ENOX1: variants seen among roughly 807,000 people sequenced by gnomAD.
ENOX1 encodes ecto-NOX disulfide-thiol exchanger 1.
A neutral mutation model predicts 82.5 loss-of-function variants in ENOX1; 42 were observed. The ratio of observed to expected loss-of-function variants is 0.51; its 90% CI spans 0.40 to 0.66. The LOEUF (loss-of-function observed/expected upper bound fraction) is 0.66. Ranked by LOEUF, ENOX1 falls within the 30% of genes least tolerant of loss-of-function variation. The probability of loss-of-function intolerance (pLI) is 0.00; values close to 1 mark genes in which losing one functional copy is unlikely to be tolerated. For missense variants in ENOX1, 608 were observed against 811.6 expected, an observed-to-expected ratio of 0.75 and a Z score of 3.05; for synonymous variants, 271 against 282.2, an observed-to-expected ratio of 0.96 and a Z score of 0.40.
At chr13:43,345,736 T>A (rs1215197888) in intron 8 of ENOX1, among the ~76,000 whole-genome samples, 1 of 152,230 alleles carries the variant, frequency 6.6e-6, no homozygotes, top group Non-Finnish European at 1.5e-5. Flanking sequence ...GAGAAGCTTT[T>A]CATTGTGTTC....
At chr13:43,302,807 A>G (rs2046653509) in intron 11 of ENOX1, among the ~76,000 whole-genome samples, 1 of 152,200 alleles carries the variant, frequency 6.6e-6, no homozygotes, top group Non-Finnish European at 1.5e-5. Flanking sequence ...TAATCTGGAG[A>G]AAGCCTTGAA....
chr13:43,782,435 C>G, intron 1 of ENOX1, among the ~76,000 whole-genome samples: 1 of 152,038 alleles, frequency 6.6e-6, no homozygotes, highest in Middle Eastern at 3.2e-3. Flanking sequence ...TTGAAATATG[C>G]CAAATTATTA....
intron 2 of ENOX1, among the ~76,000 whole-genome samples, chr13:43,574,493 T>C (rs2080328785): frequency 6.6e-6 from 1 of 152,220 alleles, no homozygotes; most frequent in Non-Finnish European, 1.5e-5. Flanking sequence ...CTAAAATTAA[T>C]GTTTTGGGTT....
chr13:43,513,697 GTGAC>G (rs2077456736), intron 2 of ENOX1, among the ~76,000 whole-genome samples: 1 of 152,006 alleles, frequency 6.6e-6, no homozygotes, highest in African/African-American at 2.4e-5. Flanking sequence ...ATCTGCATTT[GTGAC>G]TGACATTTCC....
chr13:43,345,612 G>A (rs1309663036), intron 8 of ENOX1, among the ~76,000 whole-genome samples: 1 of 152,180 alleles, frequency 6.6e-6, no homozygotes, highest in Non-Finnish European at 1.5e-5. Context: ...GAAAAAGAAA[G>A]TTTGTGGGTG....
At chr13:43,391,003 T>C (rs1344062537) in intron 5 of ENOX1, among the ~76,000 whole-genome samples, 1 of 152,166 alleles carries the variant, frequency 6.6e-6, no homozygotes, top group African/African-American at 2.4e-5. Context: ...GACCTCCCTA[T>C]GTACCATCTC....
At chr13:43,484,587 C>A (rs191940252) in intron 2 of ENOX1, among the ~76,000 whole-genome samples, 1 of 152,272 alleles carries the variant, frequency 6.6e-6, no homozygotes, top group Non-Finnish European at 1.5e-5. Context: ...GATTGCTGAC[C>A]TCAGGCTTAG....
chr13:43,720,125 T>A (rs1241396151), intron 1 of ENOX1, among the ~76,000 whole-genome samples: 2 of 152,216 alleles, frequency 1.3e-5, no homozygotes, highest in East Asian at 3.8e-4. Flanking sequence ...AAAAATCACA[T>A]ATGTAAGTCT....
intron 5 of ENOX1, among the ~76,000 whole-genome samples, chr13:43,379,535 TATACTGTATGAA>T (rs2051883334): frequency 6.6e-6 from 1 of 151,994 alleles, no homozygotes; most frequent in South Asian, 2.1e-4. Flanking sequence ...AGATAAAAAA[TATACTGTATGAA>T]ATTAACAGCA....
intron 10 of ENOX1, among the ~76,000 whole-genome samples, chr13:43,325,793 G>A (rs941692829): frequency 6.6e-6 from 1 of 152,128 alleles, no homozygotes; most frequent in African/African-American, 2.4e-5. Flanking sequence ...GACGACCAGT[G>A]ACTAATGACA....
At chr13:43,741,949 T>C (rs1158165658) in intron 1 of ENOX1, among the ~76,000 whole-genome samples, 1 of 152,238 alleles carries the variant, frequency 6.6e-6, no homozygotes, top group African/African-American at 2.4e-5. Context: ...GTTCATTCTT[T>C]TGCATGTAGA....
At position 43,776,485 on chromosome 13, in the gene ENOX1, T is replaced by C. The variant is rs1951926058; in HGVS notation, c.-285+10167A>G. 2.6e-5 allele frequency among the ~76,000 whole-genome samples: 4 copies of C among 152,290 alleles called. No individual in the cohort carries two copies. In the South Asian group the frequency reaches 8.3e-4, roughly 32 times the overall value. Reference sequence around the variant, plus strand: ...CTACAATGTCAGAAGACAAAAAATCTCACCAGATTTATAACATTCCCATGC... The same window carrying C: ...CTACAATGTCAGAAGACAAAAAATCCCACCAGATTTATAACATTCCCATGC... On this transcript the variant is annotated intron_variant, in intron 1 of 16. Coordinates refer to ENST00000690772, the MANE Select transcript of ENOX1 (RefSeq NM_001347969.2).
intron 1 of ENOX1, among the ~76,000 whole-genome samples, chr13:43,750,439 C>A (rs1285896179): frequency 6.6e-6 from 1 of 152,134 alleles, no homozygotes; most frequent in Non-Finnish European, 1.5e-5. Flanking sequence ...CAGCAGGGGG[C>A]TTTTCAAAAC....
At chr13:43,758,696 T>C (rs1024205009) in intron 1 of ENOX1, among the ~76,000 whole-genome samples, 1 of 152,242 alleles carries the variant, frequency 6.6e-6, no homozygotes, top group Non-Finnish European at 1.5e-5. Flanking sequence ...TTAAACTAAT[T>C]ACCTGAATGG....
chr13:43,496,092 C>T (rs1482106416), intron 2 of ENOX1, among the ~76,000 whole-genome samples: 1 of 151,946 alleles, frequency 6.6e-6, no homozygotes, highest in African/African-American at 2.4e-5. Flanking sequence ...GTATTGCAAA[C>T]TATTAATATT....
chr13:43,614,772 T>G (rs1454682949), intron 2 of ENOX1, among the ~76,000 whole-genome samples: 1 of 152,026 alleles, frequency 6.6e-6, no homozygotes, highest in Non-Finnish European at 1.5e-5. Flanking sequence ...CCATTTCCAA[T>G]GAGGGTATGT....
chr13:43,463,614 C>T (rs2057585138), intron 3 of ENOX1, among the ~76,000 whole-genome samples: 1 of 152,154 alleles, frequency 6.6e-6, no homozygotes, highest in Non-Finnish European at 1.5e-5. Context: ...GTACTTATTT[C>T]ATTTACTGTA....
At chr13:43,246,382 C>A (rs915449213) in intron 14 of ENOX1, among the ~76,000 whole-genome samples, 3 of 152,196 alleles carry the variant, frequency 2.0e-5, no homozygotes, top group African/African-American at 7.2e-5. Flanking sequence ...CTCCTGAGGG[C>A]TGCCTATAGT....
chr13:43,383,822 T>C (rs1594251177), intron 5 of ENOX1, among the ~76,000 whole-genome samples: 3 of 152,352 alleles, frequency 2.0e-5, no homozygotes, highest in Non-Finnish European at 2.9e-5. Flanking sequence ...ATGAATTTGT[T>C]GGGCAATGGC....
Sources: allele counts gnomAD v4.1 joint callset (sites outside exome capture counted in the v4.1 genomes callset), GRCh38; gene constraint gnomAD v4.1.1; transcripts MANE v1.5; gene names NCBI Gene and HGNC (gene_info 2026-07-23, HGNC 2026-07-21).